CKMT2: variants seen among roughly 807,000 people sequenced by gnomAD.
The protein encoded by CKMT2 is creatine kinase, mitochondrial 2.
In CKMT2, 43 loss-of-function variants were observed where a neutral mutation model predicts 48.9. That is an observed-to-expected ratio of 0.88 (90% confidence interval 0.69 to 1.13). CKMT2 has a LOEUF of 1.13. Ranked by LOEUF, CKMT2 falls within the 50% of genes most tolerant of loss-of-function variation. The pLI, the probability that CKMT2 is intolerant of heterozygous loss-of-function variation, is 0.00. For synonymous variants in CKMT2, 206 were observed against 213.0 expected (o/e 0.97, Z 0.29); for missense variants, 472 against 555.4 (o/e 0.85, Z 1.51).
chr5:81,237,699 A>G (rs1193911246), intron 1 of CKMT2: 3 of 152,220 alleles, frequency 2.0e-5, no homozygotes, highest in Non-Finnish European at 4.4e-5. Flanking sequence ...CCCTTTTAGC[A>G]GTTTGATGAA....
At chr5:81,246,232 A>G (rs1467451491) in intron 1 of CKMT2, among the ~76,000 whole-genome samples, 1 of 151,210 alleles carries the variant, frequency 6.6e-6, no homozygotes, top group African/African-American at 2.4e-5. Context: ...CTAGGATAAA[A>G]TCCAGACTCC....
At chr5:81,250,490 A>T (rs1756767525) in intron 1 of CKMT2, among the ~76,000 whole-genome samples, 1 of 152,074 alleles carries the variant, frequency 6.6e-6, no homozygotes, top group South Asian at 2.1e-4. Flanking sequence ...AATCTGTAGG[A>T]ATCCAGGGCC....
At chr5:81,250,940 AACACACACACACACAC>A (rs142418532) in intron 1 of CKMT2, among the ~76,000 whole-genome samples, 157 bp from the exon 2 acceptor site, 9 of 132,994 alleles carry the variant, frequency 6.8e-5, no homozygotes, top group Admixed American at 5.4e-4. Flanking sequence ...AGAAATAGAA[AACACACACACACACAC>A]ACACACACAC....
intron 1 of CKMT2, chr5:81,237,807 G>T (rs1202266203): frequency 6.6e-6 from 1 of 152,090 alleles, no homozygotes; most frequent in East Asian, 1.9e-4. Flanking sequence ...TCAGTCCTAA[G>T]CAAGTTTTTC....
rs144756265 is a variant in CKMT2 at position 81,239,951 on chromosome 5, T to C, written c.-21+6574T>C. On this transcript the variant is annotated intron_variant, in intron 1 of 9. Coordinates refer to ENST00000254035, the MANE Select transcript of CKMT2 (RefSeq NM_001099735.2). ...GCACACAGCGTTTTTTTCCTCAGAC[T>C]AAGGACTCTGGAAAAGCTGCCACAT... is the stretch of plus-strand genomic sequence containing the variant. Among the ~76,000 whole-genome samples, 4 of 152,262 alleles carry C rather than the reference T, an allele frequency of 2.6e-5. No homozygotes were observed. The South Asian group carries it at 6.2e-4, about 24-fold the overall frequency.
chr5:81,252,647 C>A, intron 2 of CKMT2, 48 bp from the exon 3 acceptor site: 1 of 1,602,312 alleles, frequency 6.2e-7, no homozygotes, highest in Non-Finnish European at 8.5e-7. Flanking sequence ...CCATTGGCCC[C>A]TTTCCTCGGG....
chr5:81,264,602 G>GA (rs1388450517), intron 9 of CKMT2, among the ~76,000 whole-genome samples: 41 of 152,242 alleles, frequency 2.7e-4, no homozygotes, highest in African/African-American at 9.9e-4. Context: ...GAAATTTACT[G>GA]AATAATGTGT....
chr5:81,240,033 C>T (rs1340676650), intron 1 of CKMT2, among the ~76,000 whole-genome samples: 1 of 152,102 alleles, frequency 6.6e-6, no homozygotes, highest in Non-Finnish European at 1.5e-5. Context: ...CTACCCCCTC[C>T]TCACCCCCTC....
rs757914102 is a variant in CKMT2, at chr5:81,257,787, G to C, written c.810G>C (p.Arg270Ser). ...GGATAAATGAGGAGGATCACACCAG[G>C]GTAATCTCAATGGAAAAAGGAGGCA... ...LIWINEEDHT[R>S]VISMEKGGNM... The change falls in exon 7 of 10, where the codon AGG becomes AGC. Residue 270 changes from arginine (R) to serine (S), a missense_variant. By Grantham distance (110) the Arg-to-Ser change is moderately radical. Transcript: ENST00000254035. The C allele has an allele frequency of 4.0e-5, 65 of 1,612,844 alleles. No individual in the cohort carries two copies. The highest frequency in any genetic ancestry group is 5.3e-5 in the Non-Finnish European group (63 of 1,179,052).
At chr5:81,256,336 T>G (rs1435982818) in intron 5 of CKMT2, among the ~76,000 whole-genome samples, 22 of 152,234 alleles carry the variant, frequency 1.4e-4, no homozygotes, top group Admixed American at 1.4e-3. Context: ...GAATCTGTTT[T>G]CTTCATTTAT....
chr5:81,237,054 C>T (rs1398435072), intron 1 of CKMT2, among the ~76,000 whole-genome samples: 2 of 152,180 alleles, frequency 1.3e-5, no homozygotes, highest in Non-Finnish European at 2.9e-5. Context: ...GAGGCTGAGG[C>T]AGGAGAATTG....
intron 6 of CKMT2, among the ~76,000 whole-genome samples, 170 bp downstream of exon 6, chr5:81,257,170 GTGTGTGTGT>G (rs994885178): frequency 7.1e-6 from 1 of 140,668 alleles, no homozygotes; most frequent in African/African-American, 2.6e-5. Context: ...GTGTGTGTGT[GTGTGTGTGT>G]GTGTCTAAGC....
intron 1 of CKMT2, among the ~76,000 whole-genome samples, chr5:81,243,303 A>C (rs1459542463): frequency 6.6e-6 from 1 of 152,224 alleles, no homozygotes; most frequent in East Asian, 1.9e-4. Context: ...AGTCATCTTG[A>C]GCTAGAAGGG....
At chr5:81,234,838 G>C (rs1756203454) in intron 1 of CKMT2, among the ~76,000 whole-genome samples, 1 of 152,100 alleles carries the variant, frequency 6.6e-6, no homozygotes, top group Non-Finnish European at 1.5e-5. Flanking sequence ...GAGGCCCTGG[G>C]CCTCCATCTC....
intron 1 of CKMT2, among the ~76,000 whole-genome samples, chr5:81,234,462 G>A (rs1370081050): frequency 3.9e-5 from 6 of 152,276 alleles, no homozygotes; most frequent in South Asian, 2.1e-4. Context: ...TCATAGAGGC[G>A]AGCATGGCCA....
intron 1 of CKMT2, chr5:81,244,270 T>C: frequency 3.9e-6 from 3 of 771,238 alleles, no homozygotes; most frequent in Non-Finnish European, 4.7e-6. Context: ...GCCTGCCTCA[T>C]CATTAACATC....
chr5:81,252,670 A>G, intron 2 of CKMT2, 25 bp from the exon 3 acceptor site: 1 of 1,611,268 alleles, frequency 6.2e-7, no homozygotes, highest in Non-Finnish European at 8.5e-7. Flanking sequence ...CTGCTGGCTG[A>G]CAGCCTGCCC....
intron 5 of CKMT2, among the ~76,000 whole-genome samples, chr5:81,255,564 G>A (rs1756976376): frequency 6.6e-6 from 1 of 152,130 alleles, no homozygotes; most frequent in Non-Finnish European, 1.5e-5. Context: ...TCCAGAAGAT[G>A]GTTTCCATTA....
intron 4 of CKMT2, 157 bp downstream of exon 4, chr5:81,254,648 A>G (rs1286902901): frequency 3.2e-6 from 2 of 630,666 alleles, no homozygotes; most frequent in Non-Finnish European, 5.5e-6. Context: ...GCCACAGAGA[A>G]GGTTAGGAGG....
Sources: allele counts gnomAD v4.1 joint callset (sites outside exome capture counted in the v4.1 genomes callset), GRCh38; gene constraint gnomAD v4.1.1; transcripts MANE v1.5; gene names NCBI Gene and HGNC (gene_info 2026-07-23, HGNC 2026-07-21).